CEP131: variants seen among roughly 807,000 people sequenced by gnomAD.
CEP131 encodes the protein centrosomal protein of 131 kDa.
A neutral mutation model predicts 136.8 loss-of-function variants in CEP131; 99 were observed. The observed-to-expected ratio is 0.72, with a 90% CI of 0.62 to 0.86. The LOEUF (loss-of-function observed/expected upper bound fraction) is 0.86, where lower values mean the gene tolerates loss of function less well. CEP131 is among the 40% of genes least tolerant of loss of function. CEP131 has a pLI of 0.00. For synonymous variants in CEP131, 646 were observed against 612.7 expected (o/e 1.05, Z -0.80); for missense variants, 1,459 against 1,463.0 (o/e 1.00, Z 0.04).
rs1383103462 is a variant in CEP131 at position 81,215,297 on chromosome 17, A to G, written c.177+4583T>C. ...TTTTTGTAGAGACAGGGGTCTCACTATGTTGCCCAGGCTGGTCTCAAACTC... is the reference window on the plus strand; with the variant it reads ...TTTTTGTAGAGACAGGGGTCTCACTGTGTTGCCCAGGCTGGTCTCAAACTC... On this transcript the variant is annotated intron_variant, in intron 2 of 25. Coordinates refer to ENST00000450824, the MANE Select transcript of CEP131 (RefSeq NM_014984.4). The surrounding 1 kb of genome is among the most constrained non-coding windows in gnomAD (Gnocchi z 4.1). 6.7e-6 allele frequency among the ~76,000 whole-genome samples: 1 copy of G among 149,918 alleles called. No homozygotes were observed. The highest frequency in any genetic ancestry group is 2.5e-5 in the African/African-American group (1 of 40,496).
chr17:81,192,027 G>A (rs1341918389), intron 21 of CEP131, among the ~76,000 whole-genome samples: 4 of 152,096 alleles, frequency 2.6e-5, no homozygotes, highest in Non-Finnish European at 4.4e-5. Context: ...TGGGCTGGTC[G>A]TGGGGCGCAG....
chr17:81,207,655 C>A (rs2062037150), intron 3 of CEP131, among the ~76,000 whole-genome samples: 2 of 151,880 alleles, frequency 1.3e-5, no homozygotes, highest in Admixed American at 1.3e-4. Context: ...CGGCTGCCCA[C>A]CGAGGGCCTT....
chr17:81,196,487 C>T (rs1251032018), intron 15 of CEP131, among the ~76,000 whole-genome samples: 2 of 152,252 alleles, frequency 1.3e-5, no homozygotes, highest in Non-Finnish European at 2.9e-5. Flanking sequence ...CCCCACTACA[C>T]TCACACGGGG....
At position 81,215,047 on chromosome 17, in the gene CEP131, G is replaced by A. The variant is rs185198396; in HGVS notation, c.177+4833C>T. Among the ~76,000 whole-genome samples the A allele has an allele frequency of 9.5e-4, 144 of 151,932 alleles. No homozygotes were observed. Among genetic ancestry groups the A allele is most frequent in the African/African-American group, 3.4e-3 (139 of 41,420 alleles). On this transcript the variant is annotated intron_variant, in intron 2 of 25. Transcript: ENST00000450824. This position sits in a 1 kb window ranked among gnomAD's most constrained non-coding sequence, Gnocchi z 4.1. ...TTGCCTCAACCTCCCAAAGTGCTGG[G>A]ATTACAGGCATGAGCCACCGCGCCT...
chr17:81,220,339 G>A (rs8066929), intron 1 of CEP131, among the ~76,000 whole-genome samples: 10,516 of 152,190 alleles, frequency 0.069, 821 homozygotes, highest in African/African-American at 0.2. Context: ...GCCCGTGGGT[G>A]GGAATAAGCC....
At chr17:81,193,834 C>G in intron 18 of CEP131, 92 bp downstream of exon 18, 1 of 1,383,264 alleles carries the variant, frequency 7.2e-7, no homozygotes, top group Non-Finnish European at 9.7e-7. Flanking sequence ...GACCCTCGCC[C>G]ACCTCTACAT....
chr17:81,215,346 C>T lies in CEP131; in HGVS notation c.177+4534G>A, dbSNP rs563377491. Among the ~76,000 whole-genome samples, 8 of 152,270 alleles carry T rather than the reference C, an allele frequency of 5.3e-5. No individual in the cohort carries two copies. The highest frequency in any genetic ancestry group is 9.6e-5 in the African/African-American group (4 of 41,542). ...TCCTGGCCTCAAGTGATCCTCCCACCGCAGCCACGCAAAGTGCTGGGATTA... is the reference window on the plus strand; with the variant it reads ...TCCTGGCCTCAAGTGATCCTCCCACTGCAGCCACGCAAAGTGCTGGGATTA... On this transcript the variant is annotated intron_variant, in intron 2 of 25. Transcript: ENST00000450824. The surrounding 1 kb of genome is among the most constrained non-coding windows in gnomAD (Gnocchi z 4.1).
At position 81,219,342 on chromosome 17, in the gene CEP131, G is replaced by A. The variant is rs2062332573; in HGVS notation, c.177+538C>T. Among the ~76,000 whole-genome samples, 1 of 141,274 alleles carries A rather than the reference G, an allele frequency of 7.1e-6. No individual in the cohort carries two copies. Among genetic ancestry groups the A allele is most frequent in the African/African-American group, 2.7e-5 (1 of 37,546 alleles). The allele number at this position is 141,274 out of a possible 152,430, so 92.7% of individuals were successfully genotyped here. A position where few individuals can be genotyped will look rare whatever the true frequency, so the allele number is the denominator to read the frequency against. Reference sequence around the variant, plus strand: ...TGGCATCTCACTCTGTCGCCAGGCTGGAGTGCAACGGCACGATCTCGGCTC... The same window carrying A: ...TGGCATCTCACTCTGTCGCCAGGCTAGAGTGCAACGGCACGATCTCGGCTC... On this transcript the variant is annotated intron_variant, in intron 2 of 25. Coordinates refer to ENST00000450824, the MANE Select transcript of CEP131 (RefSeq NM_014984.4). The surrounding 1 kb of genome is among the most constrained non-coding windows in gnomAD (Gnocchi z 4.0).
chr17:81,199,346 C>A, intron 10 of CEP131, 35 bp downstream of exon 10: 1 of 1,558,054 alleles, frequency 6.4e-7, no homozygotes, highest in Non-Finnish European at 8.7e-7. Context: ...TGCAGTCCAC[C>A]CCCCAGAGCA....
chr17:81,192,685 G>GCC, intron 19 of CEP131, 51 bp downstream of exon 19: 6 of 478,406 alleles, frequency 1.3e-5, no homozygotes, highest in Non-Finnish European at 1.6e-5. Context: ...GGGGGGAGGG[G>GCC]TCAGCCAGCG....
In CEP131 at chr17:81,206,727, A is replaced by G; in HGVS notation, c.515+17T>C. The G allele has an allele frequency of 6.2e-7, 1 of 1,606,042 alleles. No individual in the cohort carries two copies. The highest frequency in any genetic ancestry group is 2.2e-5 in the East Asian group (1 of 44,824). ...CTTCCCACTGGTGCCCGTCGTGGGC[A>G]CCTGCACAGGTCGTACCTGTTGTTA... On this transcript the variant is annotated intron_variant, in intron 5 of 25. Coordinates refer to ENST00000450824, the MANE Select transcript of CEP131 (RefSeq NM_014984.4).
chr17:81,195,331 C>T (rs1372196485), intron 16 of CEP131, among the ~76,000 whole-genome samples: 1 of 152,230 alleles, frequency 6.6e-6, no homozygotes, highest in African/African-American at 2.4e-5. Context: ...CAGTCACGTG[C>T]AGGGATTTTA....
At chr17:81,204,342 G>T (rs2061958427) in intron 5 of CEP131, among the ~76,000 whole-genome samples, 1 of 152,110 alleles carries the variant, frequency 6.6e-6, no homozygotes, top group Non-Finnish European at 1.5e-5. Flanking sequence ...ATTCACCCAG[G>T]ACAGCCACCG....
intron 2 of CEP131, among the ~76,000 whole-genome samples, chr17:81,212,516 T>C (rs1360137712): frequency 6.8e-6 from 1 of 148,112 alleles, no homozygotes; most frequent in Non-Finnish European, 1.5e-5. Context: ...AGAGGGGCTC[T>C]TCCTAATAGC....
chr17:81,208,458 C>A lies in CEP131; in HGVS notation c.272+470G>T, dbSNP rs2062063416. 6.6e-6 allele frequency among the ~76,000 whole-genome samples: 1 copy of A among 152,218 alleles called. No homozygotes were observed. Among genetic ancestry groups the A allele is most frequent in the Non-Finnish European group, 1.5e-5 (1 of 68,048 alleles). ...CCGGCTCCACTCCCCACAACACCCC[C>A]ACTGGGGCCATTGAGGCAGCTCCTC... On this transcript the variant is annotated intron_variant, in intron 3 of 25. Transcript: ENST00000450824. This position sits in a 1 kb window ranked among gnomAD's most constrained non-coding sequence, Gnocchi z 5.6.
Position 81,192,532 on chromosome 17 carries a change from G to A in CEP131, c.2491C>T (p.Arg831Ter), listed in dbSNP as rs780751117. 2.5e-5 allele frequency: 40 copies of A among 1,610,468 alleles called. No individual in the cohort carries two copies. The highest frequency in any genetic ancestry group is 2.7e-5 in the African/African-American group (2 of 74,870). Residue 831 changes from arginine (R) to a stop codon, truncating the protein, a stop_gained, in exon 20 of 26, where the codon CGA (arginine) becomes TGA (stop). Coordinates refer to ENST00000450824, the MANE Select transcript of CEP131 (RefSeq NM_014984.4). LOFTEE classifies it high-confidence loss of function. The stretch of plus-strand genomic sequence containing the variant: ...TTCTCAAACTCAGCCCTCAGGGCTC[G>A]GGTCAGTGCAGAGCTGCTCTCCTCC... ...QLEESSSALT[R>*]ALRAEFEKGR...
chr17:81,192,730 C>G lies in CEP131; in HGVS notation c.2429+6G>C, dbSNP rs542754046. On this transcript the variant is annotated splice_donor_region_variant and intron_variant, in intron 19 of 25. Coordinates refer to ENST00000450824, the MANE Select transcript of CEP131 (RefSeq NM_014984.4). ...TGGGAGAGGGCGTGGTGCCCCCGGGCGGCACCTGGCTGCCTGCTGGCCCAG... is the reference window on the plus strand; with the variant it reads ...TGGGAGAGGGCGTGGTGCCCCCGGGGGGCACCTGGCTGCCTGCTGGCCCAG... 2 of 1,543,536 alleles carry G rather than the reference C, an allele frequency of 1.3e-6. No individual in the cohort carries two copies. The highest frequency in any genetic ancestry group is 3.4e-5 in the Admixed American group (2 of 59,484).
chr17:81,200,024 G>A (rs1470991238), intron 8 of CEP131, 189 bp from the exon 9 acceptor site: 4 of 641,736 alleles, frequency 6.2e-6, no homozygotes, highest in African/African-American at 1.8e-5. Context: ...TGAGCCCTAC[G>A]TCGCAGGTGG....
chr17:81,189,789 G>A lies in CEP131; in HGVS notation c.3223C>T (p.Pro1075Ser), dbSNP rs1485501537. 1 of 1,607,224 alleles carries A rather than the reference G, an allele frequency of 6.2e-7. No homozygotes were observed. The highest frequency in any genetic ancestry group is 8.5e-7 in the Non-Finnish European group (1 of 1,176,730). The change falls in exon 26 of 26, where the codon CCC (proline) becomes TCC (serine). Residue 1075 changes from proline to serine, a missense_variant. By Grantham distance (74) the Pro-to-Ser change is moderately conservative. Around this residue, in one of 3 missense-constraint regions of CEP131, gnomAD observed 1,026 missense variants for 964.2 expected, o/e 1.06. Coordinates refer to ENST00000450824, the MANE Select transcript of CEP131 (RefSeq NM_014984.4). Reference protein sequence around the residue: ...LEELLEQHRRPTPSTK With the variant: ...LEELLEQHRRSTPSTK Reference sequence around the variant, plus strand: ...CCTGGTCACTTGGTACTTGGCGTGGGCCTCCTGTGCTGCTCCAGCAGCTCC... The same window carrying A: ...CCTGGTCACTTGGTACTTGGCGTGGACCTCCTGTGCTGCTCCAGCAGCTCC...
Sources: gnomAD v4.1 joint callset for allele counts (sites outside exome capture counted in the v4.1 genomes callset) on GRCh38, gnomAD v4.1.1 for gene constraint, gnomAD v4.1.1 regional missense constraint, Gnocchi (gnomAD v3.1) non-coding constraint, MANE v1.5 for transcripts, NCBI Gene and HGNC (gene_info 2026-07-23, HGNC 2026-07-21) for gene names.